The following LRRTM4 variants were observed in gnomAD, a reference collection of about 807,000 sequenced individuals.
LRRTM4 encodes leucine-rich repeat transmembrane neuronal protein 4.
A neutral mutation model predicts 47.6 loss-of-function variants in LRRTM4; 25 were observed. The observed-to-expected ratio is 0.53, with a 90% CI of 0.38 to 0.73. The LOEUF (loss-of-function observed/expected upper bound fraction) is 0.73. Among genes scored for constraint, LRRTM4 ranks in the 30% least tolerant of loss-of-function variants. LRRTM4 has a pLI of 0.00. For synonymous variants in LRRTM4, 311 were observed against 269.5 expected, an observed-to-expected ratio of 1.15 and a Z score of -1.51; for missense variants, 638 against 713.4, an observed-to-expected ratio of 0.89 and a Z score of 1.20.
chr2:77,380,769 C>T lies in LRRTM4; in HGVS notation c.1551+137549G>A, dbSNP rs1209453276. ...CAAGATCACACCACCGCACTCCAGC[C>T]TGGGTGACAGAGTGAGACTCCATCT... On this transcript the variant is annotated intron_variant, in intron 3 of 3. Transcript: ENST00000409884. Among the ~76,000 whole-genome samples, 3 of 151,238 alleles carry T rather than the reference C, an allele frequency of 2.0e-5. No homozygotes were observed. The South Asian group carries it at 6.3e-4, about 32-fold the overall frequency.
At chr2:76,807,830 C>G (rs937984335) in intron 3 of LRRTM4, among the ~76,000 whole-genome samples, 9 of 151,868 alleles carry the variant, frequency 5.9e-5, no homozygotes, top group Admixed American at 2.6e-4. Flanking sequence ...ATCCGCCTGC[C>G]CCAGCCTCCC....
intron 3 of LRRTM4, among the ~76,000 whole-genome samples, chr2:77,312,552 T>C (rs1468992221): frequency 2.0e-5 from 3 of 152,208 alleles, no homozygotes; most frequent in Non-Finnish European, 2.9e-5. Flanking sequence ...TATTTATTTC[T>C]CTTTGGTTTG....
chr2:76,771,663 A>T (rs1419610978), intron 3 of LRRTM4, among the ~76,000 whole-genome samples: 2 of 151,482 alleles, frequency 1.3e-5, no homozygotes, highest in Non-Finnish European at 2.9e-5. Flanking sequence ...AAAAAGAAAA[A>T]GAAAAGAAGA....
At chr2:76,827,773 C>G (rs767976585) in intron 3 of LRRTM4, among the ~76,000 whole-genome samples, 1 of 151,734 alleles carries the variant, frequency 6.6e-6, no homozygotes, top group African/African-American at 2.4e-5. Context: ...CAAGATACTA[C>G]GTGCTTATGG....
At chr2:76,761,137 C>T (rs1456252702) in intron 3 of LRRTM4, among the ~76,000 whole-genome samples, 4 of 152,212 alleles carry the variant, frequency 2.6e-5, no homozygotes. Flanking sequence ...AAGATGTAGG[C>T]CCAGCAGGGC....
intron 3 of LRRTM4, among the ~76,000 whole-genome samples, chr2:76,935,798 T>A (rs1418428936): frequency 6.6e-6 from 1 of 152,162 alleles, no homozygotes; most frequent in African/African-American, 2.4e-5. Flanking sequence ...AACAGATAAT[T>A]TGACTTCCTC....
chr2:77,278,972 T>TGA (rs1676439383), intron 3 of LRRTM4, among the ~76,000 whole-genome samples: 3 of 151,994 alleles, frequency 2.0e-5, no homozygotes. Context: ...TAATAGGCAA[T>TGA]GATGACTCTG....
chr2:76,761,457 A>G (rs1219446181), intron 3 of LRRTM4, among the ~76,000 whole-genome samples: 1 of 152,180 alleles, frequency 6.6e-6, no homozygotes, highest in Admixed American at 6.6e-5. Context: ...TCAGTTGGGT[A>G]AGTTTAACAG....
At chr2:77,238,983 A>G (rs936901110) in intron 3 of LRRTM4, among the ~76,000 whole-genome samples, 1 of 151,950 alleles carries the variant, frequency 6.6e-6, no homozygotes, top group African/African-American at 2.4e-5. Flanking sequence ...AAGTATATAA[A>G]CCTACAAGGT....
chr2:77,459,212 C>T (rs1478126348), intron 3 of LRRTM4, among the ~76,000 whole-genome samples: 1 of 152,070 alleles, frequency 6.6e-6, no homozygotes, highest in Non-Finnish European at 1.5e-5. Flanking sequence ...ATCTTCACCT[C>T]ATTGCTGGAA....
intron 3 of LRRTM4, among the ~76,000 whole-genome samples, chr2:77,411,610 GC>G (rs1237707067): frequency 7.4e-6 from 1 of 134,946 alleles, no homozygotes; most frequent in African/African-American, 2.9e-5. Flanking sequence ...CCGCCACCAT[GC>G]CCGGCTATTT....
chr2:77,493,069 C>T (rs887013183), intron 3 of LRRTM4, among the ~76,000 whole-genome samples: 1 of 151,790 alleles, frequency 6.6e-6, no homozygotes, highest in Non-Finnish European at 1.5e-5. Flanking sequence ...AAATAGAAAA[C>T]AAAGGCACAA....
intron 3 of LRRTM4, among the ~76,000 whole-genome samples, chr2:77,087,833 T>C (rs552806265): frequency 6.6e-6 from 1 of 152,330 alleles, no homozygotes; most frequent in South Asian, 2.1e-4. Flanking sequence ...CTCTTTAAAA[T>C]GTGCTAAATA....
rs555509864 is a variant in LRRTM4 at position 77,098,324 on chromosome 2, A to G, written c.1552-349408T>C. 2.0e-5 allele frequency among the ~76,000 whole-genome samples: 3 copies of G among 152,044 alleles called. No individual in the cohort carries two copies. The East Asian group carries it at 5.8e-4, about 29-fold the overall frequency. ...AAATATGGACAAATAGTCCAAGGGAAGGTAACTGATAGTCGATAAAAATAG... is the reference window on the plus strand; with the variant it reads ...AAATATGGACAAATAGTCCAAGGGAGGGTAACTGATAGTCGATAAAAATAG... On this transcript the variant is annotated intron_variant, in intron 3 of 3. Transcript: ENST00000409884.
intron 3 of LRRTM4, among the ~76,000 whole-genome samples, chr2:77,483,885 T>C (rs1020460214): frequency 6.6e-6 from 1 of 152,236 alleles, no homozygotes; most frequent in Non-Finnish European, 1.5e-5. Context: ...AGCTTGAATT[T>C]ATTGATTGAC....
intron 3 of LRRTM4, among the ~76,000 whole-genome samples, chr2:76,938,102 A>G (rs1481051074): frequency 6.6e-6 from 1 of 152,084 alleles, no homozygotes; most frequent in Non-Finnish European, 1.5e-5. Context: ...TTTATAAAAT[A>G]CTTTCTGATG....
In LRRTM4 at chr2:76,796,233, CTGGGGGAGGGGT is replaced by C. The variant is rs1558659186; in HGVS notation, c.1552-47329_1552-47318del. ...ATCAAACTGCAAGGCGGCAGCCAGGCTGGGGGAGGGGTGCCCGCCATTGAACAGGCTTGATTA... is the reference window on the plus strand; with the variant it reads ...ATCAAACTGCAAGGCGGCAGCCAGGCGCCCGCCATTGAACAGGCTTGATTA... On this transcript the variant is annotated intron_variant, in intron 3 of 3. Coordinates refer to ENST00000409884, the MANE Select transcript of LRRTM4 (RefSeq NM_001134745.3). Among the ~76,000 whole-genome samples the C allele has an allele frequency of 3.3e-3, 261 of 79,456 alleles. 6 individuals are homozygous for C. The highest frequency in any genetic ancestry group is 0.018 in the African/African-American group (248 of 14,078). 52.1% of individuals were successfully genotyped at this position (79,456 alleles called of 152,430 possible). A position where few individuals can be genotyped will look rare whatever the true frequency, so the allele number is the denominator to read the frequency against.
intron 3 of LRRTM4, among the ~76,000 whole-genome samples, chr2:77,252,300 GTACCCTACA>G (rs1487115921): frequency 6.6e-6 from 1 of 152,092 alleles, no homozygotes; most frequent in Non-Finnish European, 1.5e-5. Flanking sequence ...GGCATATATG[GTACCCTACA>G]TACACTTGGG....
intron 3 of LRRTM4, among the ~76,000 whole-genome samples, chr2:77,086,625 C>T (rs1680725470): frequency 1.3e-5 from 2 of 151,714 alleles, no homozygotes; most frequent in South Asian, 2.1e-4. Flanking sequence ...TACAGGCAGC[C>T]CAGCACCATG....
Sources: allele counts gnomAD v4.1 joint callset (sites outside exome capture counted in the v4.1 genomes callset), GRCh38; gene constraint gnomAD v4.1.1; transcripts MANE v1.5; gene names NCBI Gene and HGNC (gene_info 2026-07-23, HGNC 2026-07-21).